The following CNKSR2 variants were observed in gnomAD, a reference collection of about 807,000 sequenced individuals.
CNKSR2 encodes CNK homolog protein 2.
CNKSR2 carries 14 observed loss-of-function variants against 84.4 expected under a neutral mutation model. The ratio of observed to expected loss-of-function variants is 0.17; its 90% confidence interval spans 0.11 to 0.26. CNKSR2 has a LOEUF of 0.26. Ranked by LOEUF, CNKSR2 falls within the 10% of genes least tolerant of loss-of-function variation. The pLI, the probability that CNKSR2 is intolerant of heterozygous loss-of-function variation, is 1.00. For synonymous variants in CNKSR2, 275 were observed against 277.9 expected (o/e 0.99, Z 0.10); for missense variants, 485 against 771.2 (o/e 0.63, Z 4.40).
chrX:21,635,479 A>T (rs1206512004), intron 20 of CNKSR2, among the ~76,000 whole-genome samples: 1 of 100,529 alleles, frequency 9.9e-6, no homozygotes, highest in South Asian at 4.3e-4. Context: ...TGTATATATA[A>T]ATATATGTAT....
chrX:21,484,585 G>A lies in CNKSR2; in HGVS notation c.562-5874G>A, dbSNP rs567398255. On this transcript the variant is annotated intron_variant, in intron 5 of 21. Transcript: ENST00000379510. ...TTATACTCTTATTCCTTGTATATAC[G>A]TATATACCCAAAAAGTATAAATTTC... Among the ~76,000 whole-genome samples, 11 of 110,771 alleles carry A rather than the reference G, an allele frequency of 9.9e-5. No individual in the cohort carries two copies. In the South Asian group the frequency reaches 3.8e-3, roughly 38 times the overall value.
At chrX:21,555,127 T>G (rs1454733219) in intron 11 of CNKSR2, among the ~76,000 whole-genome samples, 1 of 110,816 alleles carries the variant, frequency 9.0e-6, no homozygotes, top group Non-Finnish European at 1.9e-5. Flanking sequence ...TTCCATATGA[T>G]TGTTGGCAGC....
chrX:21,451,606 C>G (rs1209069651), intron 4 of CNKSR2, among the ~76,000 whole-genome samples: 5 of 102,120 alleles, frequency 4.9e-5, no homozygotes, highest in Admixed American at 3.3e-4. Context: ...GGACAAAAAA[C>G]CAAACACCGC....
At chrX:21,632,988 TATAC>T (rs1180669797) in intron 20 of CNKSR2, among the ~76,000 whole-genome samples, 1 of 96,822 alleles carries the variant, frequency 1.0e-5, no homozygotes, top group Non-Finnish European at 2.1e-5. Context: ...ACTTATATAA[TATAC>T]ACACACACAC....
intron 6 of CNKSR2, chrX:21,492,784 CAG>C (rs780010813): frequency 7.2e-5 from 8 of 111,789 alleles, no homozygotes; most frequent in East Asian, 5.6e-4. Flanking sequence ...AAGTACTAAA[CAG>C]AGAATTTACA....
chrX:21,599,214 T>C (rs2092466851), intron 17 of CNKSR2, among the ~76,000 whole-genome samples: 1 of 112,656 alleles, frequency 8.9e-6, no homozygotes, highest in Non-Finnish European at 1.9e-5. Flanking sequence ...TAGCAGACAC[T>C]TAATAAATGC....
chrX:21,625,548 GA>G (rs1414640682), intron 20 of CNKSR2, among the ~76,000 whole-genome samples: 1 of 111,876 alleles, frequency 8.9e-6, no homozygotes, highest in East Asian at 2.8e-4. Context: ...ATCTCATCCT[GA>G]GTCTAAGATT....
intron 5 of CNKSR2, among the ~76,000 whole-genome samples, chrX:21,477,869 A>T (rs1219008139): frequency 2.7e-5 from 3 of 112,027 alleles, no homozygotes; most frequent in African/African-American, 9.7e-5. Context: ...TACTCTAGTG[A>T]CTTAAAAATC....
chrX:21,633,319 T>C (rs1243905495), intron 20 of CNKSR2, among the ~76,000 whole-genome samples: 1 of 111,673 alleles, frequency 9.0e-6, no homozygotes, highest in African/African-American at 3.3e-5. Context: ...ATACATATAC[T>C]AAATAGGAAT....
intron 11 of CNKSR2, among the ~76,000 whole-genome samples, chrX:21,553,117 A>G (rs909601155): frequency 6.0e-4 from 67 of 111,773 alleles, no homozygotes; most frequent in African/African-American, 2.1e-3. Context: ...TAGCCTTAGT[A>G]TTTTGCAAGA....
chrX:21,554,980 T>TC (rs1364210210), intron 11 of CNKSR2, among the ~76,000 whole-genome samples: 1 of 110,683 alleles, frequency 9.0e-6, no homozygotes, highest in Non-Finnish European at 1.9e-5. Context: ...TTTCTTTTTT[T>TC]CCACAACCTC....
intron 4 of CNKSR2, among the ~76,000 whole-genome samples, chrX:21,450,765 G>C (rs2090917774): frequency 9.0e-6 from 1 of 111,528 alleles, no homozygotes; most frequent in Admixed American, 9.6e-5. Context: ...TAAGCAACTT[G>C]AATATCTGGA....
chrX:21,491,337 A>T (rs953146163), intron 6 of CNKSR2: 2 of 112,028 alleles, frequency 1.8e-5, no homozygotes, highest in African/African-American at 6.5e-5. Flanking sequence ...TAGTGTTTCC[A>T]CTTTCTCCCT....
At chrX:21,565,052 C>A (rs1026525123) in intron 13 of CNKSR2, among the ~76,000 whole-genome samples, 2 of 111,420 alleles carry the variant, frequency 1.8e-5, no homozygotes, top group Non-Finnish European at 3.8e-5. Flanking sequence ...ATAAGTAATA[C>A]CCTGAACAAA....
chrX:21,427,080 A>G (rs189130276), intron 2 of CNKSR2: 1 of 130,879 alleles, frequency 7.6e-6, no homozygotes, highest in East Asian at 2.7e-4. Context: ...ACTTAAAAGG[A>G]TGGCATCAGA....
At chrX:21,565,335 T>C in intron 13 of CNKSR2, among the ~76,000 whole-genome samples, 1 of 111,778 alleles carries the variant, frequency 8.9e-6, no homozygotes, top group East Asian at 2.8e-4. Flanking sequence ...GGGAAGACAG[T>C]AAAAGGTGAG....
intron 1 of CNKSR2, among the ~76,000 whole-genome samples, chrX:21,395,776 AT>A (rs2090113194): frequency 8.9e-6 from 1 of 111,907 alleles, no homozygotes; most frequent in African/African-American, 3.2e-5. Context: ...ATCTACTTTT[AT>A]GACCACCAGT....
chrX:21,588,232 G>A (rs1489443761), intron 13 of CNKSR2, among the ~76,000 whole-genome samples: 3 of 111,854 alleles, frequency 2.7e-5, no homozygotes, highest in African/African-American at 9.7e-5. Context: ...ATCATTTAGG[G>A]AAGCTTCTTA....
At chrX:21,641,682 A>G (rs1439515944) in intron 20 of CNKSR2, 7 of 1,103,680 alleles carry the variant, frequency 6.3e-6, no homozygotes, top group East Asian at 6.8e-5. Context: ...CTCAACATCA[A>G]CCTCTTGCAA....
Sources: allele counts gnomAD v4.1 joint callset (sites outside exome capture counted in the v4.1 genomes callset), GRCh38; gene constraint gnomAD v4.1.1; transcripts MANE v1.5; gene names NCBI Gene and HGNC (gene_info 2026-07-23, HGNC 2026-07-21).